The following CACNA2D3 variants were observed in gnomAD, a reference collection of about 807,000 sequenced individuals.
CACNA2D3 encodes the protein voltage-dependent calcium channel subunit alpha-2/delta-3.
A neutral mutation model predicts 160.6 loss-of-function variants in CACNA2D3; 60 were observed. The observed-to-expected ratio is 0.37, with a 90% confidence interval of 0.30 to 0.46. The LOEUF (loss-of-function observed/expected upper bound fraction) is 0.46. Among genes scored for constraint, CACNA2D3 ranks in the 20% least tolerant of loss-of-function variants. The pLI, the probability that CACNA2D3 is intolerant of heterozygous loss-of-function variation, is 1.00. For missense variants in CACNA2D3, 1,205 were observed against 1,365.0 expected (o/e 0.88, Z 1.85); for synonymous variants, 558 against 492.9 (o/e 1.13, Z -1.75).
chr3:54,897,153 GT>G (rs1700210594), intron 26 of CACNA2D3, among the ~76,000 whole-genome samples: 1 of 152,196 alleles, frequency 6.6e-6, no homozygotes, highest in East Asian at 1.9e-4. Context: ...TTGTCAGTCA[GT>G]TTTTTTAAAT....
chr3:54,601,490 G>A (rs565043706), intron 9 of CACNA2D3, among the ~76,000 whole-genome samples: 40 of 152,258 alleles, frequency 2.6e-4, no homozygotes, highest in African/African-American at 9.4e-4. Flanking sequence ...TTATAGGCAT[G>A]AGCCACCATG....
At chr3:54,709,514 C>T (rs1205208232) in intron 11 of CACNA2D3, among the ~76,000 whole-genome samples, 1 of 152,142 alleles carries the variant, frequency 6.6e-6, no homozygotes, top group Non-Finnish European at 1.5e-5. Context: ...GTGTACATCA[C>T]CATGCTGGGC....
At chr3:54,572,972 GTCAAC>G (rs1457160448) in intron 8 of CACNA2D3, among the ~76,000 whole-genome samples, 3 of 152,062 alleles carry the variant, frequency 2.0e-5, no homozygotes, top group African/African-American at 7.3e-5. Context: ...TACAAACAGT[GTCAAC>G]TCAATAAAGA....
At chr3:54,133,543 C>G (rs1699759156) in intron 2 of CACNA2D3, among the ~76,000 whole-genome samples, 1 of 152,118 alleles carries the variant, frequency 6.6e-6, no homozygotes, top group South Asian at 2.1e-4. Flanking sequence ...AAAATTGTCC[C>G]CGGTGGAATT....
chr3:54,279,689 G>T (rs921265175), intron 2 of CACNA2D3, among the ~76,000 whole-genome samples: 1 of 152,186 alleles, frequency 6.6e-6, no homozygotes, highest in Non-Finnish European at 1.5e-5. Context: ...TCTGAGTAGA[G>T]CTCTGGCTTA....
chr3:54,878,040 C>T (rs866208748), intron 18 of CACNA2D3, among the ~76,000 whole-genome samples: 1 of 152,264 alleles, frequency 6.6e-6, no homozygotes. Context: ...ATGCCTCCAG[C>T]TAAAAATTAT....
intron 17 of CACNA2D3, among the ~76,000 whole-genome samples, chr3:54,847,692 G>C (rs888096576): frequency 6.6e-6 from 1 of 152,204 alleles, no homozygotes; most frequent in African/African-American, 2.4e-5. Flanking sequence ...GAATTAACTA[G>C]TTGGCTAATT....
chr3:54,378,030 A>G (rs534509273), intron 3 of CACNA2D3, among the ~76,000 whole-genome samples: 11 of 152,312 alleles, frequency 7.2e-5, no homozygotes, highest in South Asian at 2.1e-4. Flanking sequence ...GTTCTAGTCA[A>G]CACCTTCTGA....
intron 35 of CACNA2D3, among the ~76,000 whole-genome samples, chr3:55,055,634 G>C (rs2107213064): frequency 6.6e-6 from 1 of 152,144 alleles, no homozygotes. Flanking sequence ...GGATCAGTTT[G>C]GGTTGGATGG....
chr3:54,724,320 G>A (rs1232012882), intron 11 of CACNA2D3, among the ~76,000 whole-genome samples: 1 of 152,104 alleles, frequency 6.6e-6, no homozygotes, highest in East Asian at 1.9e-4. Flanking sequence ...ATAATAGTGG[G>A]AGACTTTAAC....
intron 20 of CACNA2D3, among the ~76,000 whole-genome samples, chr3:54,880,559 A>C (rs1320862731): frequency 6.6e-6 from 1 of 152,206 alleles, no homozygotes; most frequent in East Asian, 1.9e-4. Context: ...GAAAACACAA[A>C]GAGTAGCCAA....
chr3:54,137,759 G>A (rs937968951), intron 2 of CACNA2D3, among the ~76,000 whole-genome samples: 1 of 151,498 alleles, frequency 6.6e-6, no homozygotes. Flanking sequence ...GGACTCTGTT[G>A]TACTCTATTC....
chr3:54,805,498 C>T (rs1228781892), intron 13 of CACNA2D3, among the ~76,000 whole-genome samples: 1 of 152,120 alleles, frequency 6.6e-6, no homozygotes, highest in Non-Finnish European at 1.5e-5. Context: ...CAAGACTAAA[C>T]CAGGAAGAAG....
intron 29 of CACNA2D3, among the ~76,000 whole-genome samples, chr3:54,971,647 A>G (rs1014515915): frequency 6.6e-6 from 1 of 152,254 alleles, no homozygotes; most frequent in Non-Finnish European, 1.5e-5. Flanking sequence ...CCCAGAACCC[A>G]CACTGCCTCA....
intron 4 of CACNA2D3, among the ~76,000 whole-genome samples, chr3:54,404,968 A>G (rs1479404773): frequency 8.2e-6 from 1 of 121,540 alleles, no homozygotes; most frequent in Non-Finnish European, 1.7e-5. Flanking sequence ...AAACAAATTG[A>G]AGAGTACACT....
intron 2 of CACNA2D3, among the ~76,000 whole-genome samples, chr3:54,220,962 G>A (rs1195675549): frequency 6.6e-6 from 1 of 152,164 alleles, no homozygotes; most frequent in Non-Finnish European, 1.5e-5. Context: ...ATTTGCCTAC[G>A]AGGCCTTGGG....
intron 9 of CACNA2D3, among the ~76,000 whole-genome samples, chr3:54,583,265 A>T (rs1405860501): frequency 6.6e-6 from 1 of 152,196 alleles, no homozygotes; most frequent in Non-Finnish European, 1.5e-5. Context: ...TCCCAGAGGA[A>T]CAAAGGACAG....
chr3:54,642,719 C>T (rs1334423083), intron 11 of CACNA2D3, among the ~76,000 whole-genome samples: 1 of 152,144 alleles, frequency 6.6e-6, no homozygotes, highest in Non-Finnish European at 1.5e-5. Flanking sequence ...CAGAACTTGT[C>T]TGTTCTCTAT....
intron 9 of CACNA2D3, among the ~76,000 whole-genome samples, chr3:54,614,590 C>T (rs2106793681): frequency 6.6e-6 from 1 of 152,220 alleles, no homozygotes; most frequent in East Asian, 1.9e-4. Flanking sequence ...TCTCTTCCTC[C>T]TTCCTTCTCA....
Sources: allele counts gnomAD v4.1 joint callset (sites outside exome capture counted in the v4.1 genomes callset), GRCh38; gene constraint gnomAD v4.1.1; transcripts MANE v1.5; gene names NCBI Gene and HGNC (gene_info 2026-07-23, HGNC 2026-07-21).